The following TENM2 variants were observed in gnomAD, a reference collection of about 807,000 sequenced individuals.
TENM2 encodes the protein teneurin-2.
Under a neutral mutation model 245.2 loss-of-function variants are expected in TENM2, and 52 were observed. That is an observed-to-expected ratio of 0.21 (90% confidence interval 0.17 to 0.27). The LOEUF is 0.27. Ranked by LOEUF, TENM2 falls within the 10% of genes least tolerant of loss-of-function variation. The pLI, the probability that TENM2 is intolerant of heterozygous loss-of-function variation, is 1.00. For synonymous variants in TENM2, 1,363 were observed against 1,438.9 expected (o/e 0.95, Z 1.19); for missense variants, 3,046 against 3,666.8 (o/e 0.83, Z 4.37).
intron 2 of TENM2, among the ~76,000 whole-genome samples, chr5:167,388,564 T>C (rs1368918444): frequency 6.6e-6 from 1 of 152,090 alleles, no homozygotes; most frequent in Non-Finnish European, 1.5e-5. Context: ...GGTTTTTTTT[T>C]GTTTCTCTAG....
chr5:167,720,487 A>G (rs1434732737), intron 2 of TENM2, among the ~76,000 whole-genome samples: 1 of 152,210 alleles, frequency 6.6e-6, no homozygotes, highest in African/African-American at 2.4e-5. Flanking sequence ...GGATGCTAAT[A>G]CAACCTTTTC....
chr5:167,498,121 T>G (rs1008880634), intron 2 of TENM2, among the ~76,000 whole-genome samples: 2 of 152,044 alleles, frequency 1.3e-5, no homozygotes, highest in African/African-American at 2.4e-5. Flanking sequence ...GGGGGTGAGT[T>G]TGTTGTCCTA....
At chr5:167,273,157 G>A in the TENM2 span, among the ~76,000 whole-genome samples, 1 of 152,146 alleles carries the variant, frequency 6.6e-6, no homozygotes, top group Non-Finnish European at 1.5e-5. Flanking sequence ...AGGCTTGCAG[G>A]CAAGATCGCT....
chr5:167,288,202 A>G (rs1218655036), intron 1 of TENM2, among the ~76,000 whole-genome samples: 1 of 152,198 alleles, frequency 6.6e-6, no homozygotes, highest in East Asian at 1.9e-4. Context: ...TCTGTGTTTC[A>G]TCAGGATTAC....
At chr5:167,870,569 ATGTG>A (rs1554135290) in intron 2 of TENM2, among the ~76,000 whole-genome samples, 6 of 142,422 alleles carry the variant, frequency 4.2e-5, no homozygotes, top group African/African-American at 1.7e-4. Context: ...ATATATATAT[ATGTG>A]TGTGTATATA....
Position 168,074,504 on chromosome 5 carries a change from T to C in TENM2, c.1515+12239T>C, listed in dbSNP as rs571790131. On this transcript the variant is annotated intron_variant, in intron 7 of 28. Coordinates refer to ENST00000518659, the Ensembl canonical transcript of TENM2. The stretch of plus-strand genomic sequence containing the variant: ...AAAAATCTGAAGTTGTTCTAGAATA[T>C]CAGCTCCAGAAGGACAGCAGCTGTT... Among the ~76,000 whole-genome samples the C allele has an allele frequency of 5.9e-5, 9 of 152,282 alleles. No individual in the cohort carries two copies. In the South Asian group the frequency reaches 1.9e-3, roughly 32 times the overall value.
At chr5:167,037,747 A>C in the TENM2 span, among the ~76,000 whole-genome samples, 1 of 152,166 alleles carries the variant, frequency 6.6e-6, no homozygotes, top group African/African-American at 2.4e-5. Flanking sequence ...GGAAAGTGAC[A>C]TTTCTTGGAA....
Position 168,194,714 on chromosome 5 carries a change from A to G in TENM2, c.2781-462A>G, listed in dbSNP as rs910016906. ...GACAATGCATGTGTATTTCCCAGCC[A>G]TAAAACTCTCTGTGCTCCCCTCTAC... On this transcript the variant is annotated intron_variant, in intron 14 of 28. Coordinates refer to ENST00000518659, the Ensembl canonical transcript of TENM2. 1.1e-4 allele frequency among the ~76,000 whole-genome samples: 17 copies of G among 152,260 alleles called. 1 individual carries two copies. The highest frequency in any genetic ancestry group is 3.6e-4 in the African/African-American group (15 of 41,550).
At chr5:167,858,711 C>G (rs890065913) in intron 2 of TENM2, among the ~76,000 whole-genome samples, 4 of 151,050 alleles carry the variant, frequency 2.6e-5, no homozygotes, top group Admixed American at 1.3e-4. Flanking sequence ...TGAAGCAGAG[C>G]CGCTGCCGCG....
chr5:167,096,854 G>A, the TENM2 span, among the ~76,000 whole-genome samples: 2 of 152,158 alleles, frequency 1.3e-5, no homozygotes, highest in African/African-American at 4.8e-5. Flanking sequence ...ATTTTTAAAC[G>A]AAAGTCTCAT....
chr5:168,062,056 T>G lies in TENM2; in HGVS notation c.1310-4T>G, dbSNP rs1428751607. The G allele has an allele frequency of 1.9e-6, 3 of 1,601,326 alleles. No individual in the cohort carries two copies. Among genetic ancestry groups the G allele is most frequent in the African/African-American group, 1.4e-5 (1 of 73,250 alleles). On this transcript the variant is annotated splice_polypyrimidine_tract_variant and splice_region_variant and intron_variant, in intron 6 of 28. Transcript: ENST00000518659. ...CTGCTGTTTATTCCTTTTTTTTTTT[T>G]CAGTGCCCTGGTCGTTGAAAAACAG...
At chr5:167,841,029 T>C (rs750884808) in intron 2 of TENM2, among the ~76,000 whole-genome samples, 1 of 151,286 alleles carries the variant, frequency 6.6e-6, no homozygotes, top group African/African-American at 2.4e-5. Context: ...ATTGGAAGAA[T>C]AGGTCATTTT....
chr5:167,347,346 AG>A (rs1758525308), intron 1 of TENM2, among the ~76,000 whole-genome samples: 1 of 152,184 alleles, frequency 6.6e-6, no homozygotes, highest in African/African-American at 2.4e-5. Flanking sequence ...CCAGACCAAA[AG>A]CAGTCAGTGC....
chr5:168,012,448 G>A (rs1428540766), intron 5 of TENM2, among the ~76,000 whole-genome samples: 1 of 151,982 alleles, frequency 6.6e-6, no homozygotes, highest in African/African-American at 2.4e-5. Flanking sequence ...TTTGAGACCA[G>A]CCTGGGCAAC....
chr5:168,172,092 T>C (rs2152471626), intron 13 of TENM2, among the ~76,000 whole-genome samples: 1 of 152,312 alleles, frequency 6.6e-6, no homozygotes, highest in East Asian at 1.9e-4. Flanking sequence ...ACTGGAAGCA[T>C]TCACGAGTCA....
chr5:167,169,259 T>C, the TENM2 span, among the ~76,000 whole-genome samples: 1 of 152,172 alleles, frequency 6.6e-6, no homozygotes, highest in African/African-American at 2.4e-5. Flanking sequence ...GTGATCAGTT[T>C]CAACTCTGGA....
intron 5 of TENM2, among the ~76,000 whole-genome samples, chr5:168,039,596 A>T (rs1236943361): frequency 2.0e-5 from 3 of 152,034 alleles, no homozygotes; most frequent in Non-Finnish European, 4.4e-5. Context: ...CTGCGGTGGG[A>T]AACGACACTC....
intron 3 of TENM2, among the ~76,000 whole-genome samples, chr5:167,893,057 A>C (rs182636784): frequency 1.2e-3 from 177 of 152,206 alleles, no homozygotes; most frequent in African/African-American, 4.1e-3. Flanking sequence ...ATGTGGAGGG[A>C]GAGTATTACC....
chr5:167,646,937 G>A (rs1270159937), intron 2 of TENM2, among the ~76,000 whole-genome samples: 1 of 152,160 alleles, frequency 6.6e-6, no homozygotes, highest in African/African-American at 2.4e-5. Flanking sequence ...TGAAAGGAGA[G>A]AACGCAGCAA....
Sources: gnomAD v4.1 joint callset for allele counts (sites outside exome capture counted in the v4.1 genomes callset) on GRCh38, gnomAD v4.1.1 for gene constraint, MANE v1.5 for transcripts, NCBI Gene and HGNC (gene_info 2026-07-23, HGNC 2026-07-21) for gene names.